FGF13: variants seen among roughly 807,000 people sequenced by gnomAD.
FGF13 encodes the protein fibroblast growth factor homologous factor 2.
Under a neutral mutation model 19.5 loss-of-function variants are expected in FGF13, and 2 were observed. The ratio of observed to expected loss-of-function variants is 0.10; its 90% CI spans 0.04 to 0.32. The LOEUF (loss-of-function observed/expected upper bound fraction) is 0.32. Among genes scored for constraint, FGF13 ranks in the 10% least tolerant of loss-of-function variants. The probability of loss-of-function intolerance (pLI) is 1.00; values close to 1 mark genes in which losing one functional copy is unlikely to be tolerated. For missense variants in FGF13, 113 were observed against 192.7 expected (o/e 0.59, Z 2.45); for synonymous variants, 72 against 76.9 (o/e 0.94, Z 0.33).
intron 3 of FGF13, among the ~76,000 whole-genome samples, chrX:138,798,250 T>G (rs1036225433): frequency 8.1e-5 from 9 of 111,675 alleles, no homozygotes; most frequent in African/African-American, 2.9e-4. Flanking sequence ...ATACCCAGTT[T>G]TTTTAGAGTT....
intron 1 of FGF13, among the ~76,000 whole-genome samples, chrX:138,876,710 T>C (rs2091391318): frequency 8.9e-6 from 1 of 112,322 alleles, no homozygotes; most frequent in South Asian, 3.7e-4. Flanking sequence ...TGCTACGTCC[T>C]CTAAGCATTC....
At chrX:139,070,884 A>G (rs1852703886) in intron 1 of FGF13, among the ~76,000 whole-genome samples, 1 of 111,577 alleles carries the variant, frequency 9.0e-6, no homozygotes, top group Admixed American at 9.5e-5. Context: ...AACTAACACA[A>G]GAACAGAAAA....
At chrX:139,063,769 T>C (rs1050199537) in intron 1 of FGF13, among the ~76,000 whole-genome samples, 1 of 111,782 alleles carries the variant, frequency 8.9e-6, no homozygotes, top group Non-Finnish European at 1.9e-5. Context: ...CAGTAAAAGG[T>C]AAATTTTTGA....
chrX:139,040,621 A>T (rs2092266181), intron 1 of FGF13, among the ~76,000 whole-genome samples: 1 of 111,785 alleles, frequency 8.9e-6, no homozygotes, highest in Non-Finnish European at 1.9e-5. Flanking sequence ...AATCAGTTCA[A>T]CCATTGTGGA....
At chrX:139,089,247 A>T (rs142691639) in intron 1 of FGF13, among the ~76,000 whole-genome samples, 18 of 112,165 alleles carry the variant, frequency 1.6e-4, no homozygotes, top group Admixed American at 1.3e-3. Context: ...CTTGGCACAC[A>T]GGAAATCAGG....
At chrX:139,157,223 C>T (rs978158840) in intron 1 of FGF13, among the ~76,000 whole-genome samples, 3 of 111,334 alleles carry the variant, frequency 2.7e-5, no homozygotes, top group African/African-American at 9.8e-5. Flanking sequence ...AAAGGTCACA[C>T]GACTAATAAG....
At chrX:138,884,909 G>A (rs2091444438) in intron 1 of FGF13, among the ~76,000 whole-genome samples, 1 of 111,848 alleles carries the variant, frequency 8.9e-6, no homozygotes, top group Non-Finnish European at 1.9e-5. Context: ...CTGAGTGACA[G>A]AATTAGAAAG....
intron 1 of FGF13, among the ~76,000 whole-genome samples, chrX:138,966,989 C>A (rs1000585175): frequency 9.9e-5 from 11 of 110,818 alleles, no homozygotes; most frequent in African/African-American, 3.6e-4. Context: ...TGAAGAGGTG[C>A]CTTCCACCAT....
chrX:139,098,075 A>G (rs948145612), intron 1 of FGF13, among the ~76,000 whole-genome samples: 3 of 111,410 alleles, frequency 2.7e-5, no homozygotes, highest in African/African-American at 9.8e-5. Flanking sequence ...ACACACAAAC[A>G]AAAAGTTTGG....
chrX:139,133,344 GA>G (rs35534771), intron 1 of FGF13, among the ~76,000 whole-genome samples: 300 of 67,643 alleles, frequency 4.4e-3, no homozygotes, highest in Middle Eastern at 0.02. Flanking sequence ...GGGACCACGT[GA>G]AAAAAAAAAA....
intron 3 of FGF13, among the ~76,000 whole-genome samples, chrX:138,815,904 A>G (rs1318149356): frequency 9.0e-6 from 1 of 111,613 alleles, no homozygotes; most frequent in African/African-American, 3.2e-5. Flanking sequence ...GTGTAGAAAG[A>G]GTTCTCCTAA....
At chrX:139,184,938 C>T (rs1265820135) in intron 1 of FGF13, among the ~76,000 whole-genome samples, 1 of 111,966 alleles carries the variant, frequency 8.9e-6, no homozygotes, top group African/African-American at 3.2e-5. Context: ...CTCAAATGCA[C>T]ATTCCAGGAC....
chrX:138,643,568 G>A (rs1402071649), intron 3 of FGF13, among the ~76,000 whole-genome samples: 1 of 112,011 alleles, frequency 8.9e-6, no homozygotes, highest in African/African-American at 3.2e-5. Context: ...CCTGCAGAAG[G>A]ATACGGATTG....
intron 3 of FGF13, among the ~76,000 whole-genome samples, chrX:138,827,195 C>T (rs999434733): frequency 2.7e-5 from 3 of 111,896 alleles, no homozygotes; most frequent in African/African-American, 6.5e-5. Flanking sequence ...GGTTGTTCTG[C>T]GGTGCTGTGG....
At chrX:138,755,101 A>C (rs1170301018) in intron 3 of FGF13, among the ~76,000 whole-genome samples, 2 of 111,843 alleles carry the variant, frequency 1.8e-5, no homozygotes, top group African/African-American at 6.5e-5. Context: ...AGCCTCCAAC[A>C]TATCTTTTAC....
At chrX:138,734,505 A>C (rs2090257960) in intron 1 of FGF13, among the ~76,000 whole-genome samples, 1 of 111,623 alleles carries the variant, frequency 9.0e-6, no homozygotes, top group African/African-American at 3.3e-5. Flanking sequence ...AATGTAAGAA[A>C]GTTTTGGATG....
At chrX:138,786,661 C>CACCA (rs1447545809) in intron 3 of FGF13, among the ~76,000 whole-genome samples, 1 of 29 alleles carries the variant, frequency 0.034, no homozygotes, top group Non-Finnish European at 0.091. Flanking sequence ...AATGATCATT[C>CACCA]ACCAGCAAGC....
intron 1 of FGF13, among the ~76,000 whole-genome samples, chrX:138,903,639 T>C (rs1056515057): frequency 1.6e-4 from 18 of 111,847 alleles, no homozygotes; most frequent in African/African-American, 5.8e-4. Context: ...TGCTTTCCAC[T>C]TATCCAAGAT....
intron 1 of FGF13, among the ~76,000 whole-genome samples, chrX:139,043,677 C>A (rs2092277714): frequency 9.0e-6 from 1 of 111,683 alleles, no homozygotes; most frequent in South Asian, 3.7e-4. Context: ...AAGTTCATAG[C>A]AGCACTAGTC....
Sources: gnomAD v4.1 joint callset for allele counts (sites outside exome capture counted in the v4.1 genomes callset) on GRCh38, gnomAD v4.1.1 for gene constraint, MANE v1.5 for transcripts, NCBI Gene and HGNC (gene_info 2026-07-23, HGNC 2026-07-21) for gene names.